The following TTLL5 variants were observed in gnomAD, a reference collection of about 807,000 sequenced individuals.
TTLL5 encodes tubulin tyrosine ligase like 5.
Under a neutral mutation model 168.4 loss-of-function variants are expected in TTLL5, and 132 were observed. The ratio of observed to expected loss-of-function variants is 0.78; its 90% CI spans 0.68 to 0.91. The LOEUF (loss-of-function observed/expected upper bound fraction) is 0.91. Among genes scored for constraint, TTLL5 ranks in the 40% least tolerant of loss-of-function variants. TTLL5 has a pLI of 0.00. For synonymous variants in TTLL5, 546 were observed against 558.6 expected (o/e 0.98, Z 0.32); for missense variants, 1,545 against 1,581.5 (o/e 0.98, Z 0.39).
At chr14:75,835,088 CA>C (rs1176689332) in intron 28 of TTLL5, among the ~76,000 whole-genome samples, 1 of 152,086 alleles carries the variant, frequency 6.6e-6, no homozygotes, top group Non-Finnish European at 1.5e-5. Context: ...AACAAACAAA[CA>C]AACAAAACAA....
intron 31 of TTLL5, among the ~76,000 whole-genome samples, chr14:75,933,018 C>T (rs2034324348): frequency 6.6e-6 from 1 of 152,182 alleles, no homozygotes; most frequent in Non-Finnish European, 1.5e-5. Context: ...ACTTTAGCCC[C>T]AATTCAGAGA....
At chr14:75,683,523 C>A in intron 4 of TTLL5, 27 bp from the exon 5 acceptor site, 1 of 1,562,156 alleles carries the variant, frequency 6.4e-7, no homozygotes, top group Non-Finnish European at 8.8e-7. Flanking sequence ...TGTTTTTTTG[C>A]CTTCTTGTCT....
At chr14:75,711,597 G>C (rs556744291) in intron 9 of TTLL5, 2 of 152,280 alleles carry the variant, frequency 1.3e-5, no homozygotes, top group East Asian at 3.9e-4. Context: ...CTAGCAACTT[G>C]GGGGGCATGC....
intron 31 of TTLL5, among the ~76,000 whole-genome samples, chr14:75,949,893 C>T (rs897633498): frequency 6.6e-6 from 1 of 151,630 alleles, no homozygotes; most frequent in African/African-American, 2.4e-5. Context: ...TGTAAAGATA[C>T]CAGTTCTCCC....
chr14:75,887,399 A>G, intron 30 of TTLL5: 1 of 864,188 alleles, frequency 1.2e-6, no homozygotes, highest in Non-Finnish European at 1.4e-6. Context: ...TGAGGTGAGC[A>G]TAGAAGATAC....
intron 31 of TTLL5, 119 bp from the exon 32 acceptor site, chr14:75,954,305 T>A (rs992345442): frequency 4.7e-6 from 5 of 1,055,168 alleles, no homozygotes; most frequent in Non-Finnish European, 7.1e-6. Flanking sequence ...GAACTTCATT[T>A]ATTTGGGCCA....
At chr14:75,812,035 A>G (rs1262537248) in intron 27 of TTLL5, among the ~76,000 whole-genome samples, 1 of 152,130 alleles carries the variant, frequency 6.6e-6, no homozygotes, top group African/African-American at 2.4e-5. Flanking sequence ...TATGCATGCA[A>G]TGTGTCCCTA....
At chr14:75,705,078 G>A (rs1886557412) in intron 7 of TTLL5, among the ~76,000 whole-genome samples, 1 of 152,226 alleles carries the variant, frequency 6.6e-6, no homozygotes, top group South Asian at 2.1e-4. Context: ...GCTGTATAGT[G>A]ATTGCATCAA....
At chr14:75,768,681 A>T (rs1392652022) in intron 20 of TTLL5, among the ~76,000 whole-genome samples, 1 of 152,160 alleles carries the variant, frequency 6.6e-6, no homozygotes, top group Non-Finnish European at 1.5e-5. Flanking sequence ...TATGGGATGA[A>T]TGAAGTTGAC....
intron 29 of TTLL5, among the ~76,000 whole-genome samples, chr14:75,880,054 C>G (rs2031717731): frequency 1.3e-5 from 2 of 152,126 alleles, no homozygotes; most frequent in African/African-American, 2.4e-5. Flanking sequence ...TCCCTCCTGC[C>G]TTGACCCCTA....
chr14:75,839,442 A>T (rs1039747194), intron 28 of TTLL5, among the ~76,000 whole-genome samples: 4 of 152,182 alleles, frequency 2.6e-5, no homozygotes, highest in Non-Finnish European at 4.4e-5. Context: ...GAAGTACCCG[A>T]GACTGGGTGA....
chr14:75,667,751 GTTTTTT>G (rs67181555), intron 2 of TTLL5, among the ~76,000 whole-genome samples: 1 of 89,084 alleles, frequency 1.1e-5, no homozygotes, highest in Non-Finnish European at 2.0e-5. Flanking sequence ...ATCTTTTTAT[GTTTTTT>G]TTTTTTTTTT....
At chr14:75,710,933 T>G (rs1249830231) in intron 9 of TTLL5, 4 of 152,238 alleles carry the variant, frequency 2.6e-5, no homozygotes, top group Non-Finnish European at 5.9e-5. Flanking sequence ...TTCATTTCCT[T>G]CTTTAGAAAT....
intron 26 of TTLL5, among the ~76,000 whole-genome samples, 174 bp from the exon 27 acceptor site, chr14:75,792,742 G>A (rs963570583): frequency 2.6e-5 from 4 of 152,108 alleles, no homozygotes. Flanking sequence ...GAGTTTCTAG[G>A]TTATGGTAAC....
At position 75,922,751 on chromosome 14, in the gene TTLL5, G is replaced by C. The variant is rs1010060017; in HGVS notation, c.3823+20527G>C. Among the ~76,000 whole-genome samples, 5 of 152,334 alleles carry C rather than the reference G, an allele frequency of 3.3e-5. No homozygotes were observed. In the South Asian group the frequency reaches 1.0e-3, roughly 32 times the overall value. On this transcript the variant is annotated intron_variant, in intron 31 of 31. Coordinates refer to ENST00000298832, the MANE Select transcript of TTLL5 (RefSeq NM_015072.5). Reference sequence around the variant, plus strand: ...GGATGATGCTGGCGTCATAAAATGAGTTAGGGAGGTTTCCCTGTTTTTCTA... The same window carrying C: ...GGATGATGCTGGCGTCATAAAATGACTTAGGGAGGTTTCCCTGTTTTTCTA...
At chr14:75,778,722 A>G (rs1205106479) in intron 23 of TTLL5, among the ~76,000 whole-genome samples, 1 of 152,240 alleles carries the variant, frequency 6.6e-6, no homozygotes, top group African/African-American at 2.4e-5. Flanking sequence ...GAAAAAGGCC[A>G]TTGAGAAGCT....
chr14:75,783,397 A>G lies in TTLL5; in HGVS notation c.2853A>G (p.Ala951=). ...ASASPCLHPG[A]QNIPSPTGLP... ...CTTCTCCCTGCCTACATCCCGGGGC[A>G]CAGAACATCCCAAGCCCTACTGGCC... The change falls in exon 26 of 32, where the codon GCA becomes GCG. Residue 951 remains alanine, a synonymous_variant. Transcript: ENST00000298832. The G allele has an allele frequency of 1.2e-6, 2 of 1,614,188 alleles. No individual in the cohort carries two copies. The highest frequency in any genetic ancestry group is 1.7e-6 in the Non-Finnish European group (2 of 1,180,032).
At chr14:75,929,447 C>T (rs1345519502) in intron 31 of TTLL5, among the ~76,000 whole-genome samples, 3 of 120,868 alleles carry the variant, frequency 2.5e-5, no homozygotes, top group Non-Finnish European at 3.3e-5. Context: ...ATAAAGATAC[C>T]TTTTTTTTTT....
intron 15 of TTLL5, among the ~76,000 whole-genome samples, chr14:75,738,422 A>G (rs1367808139): frequency 2.0e-5 from 3 of 152,184 alleles, no homozygotes; most frequent in African/African-American, 7.2e-5. Flanking sequence ...AATGCTTGAC[A>G]TGTAACTTTT....
Sources: allele counts gnomAD v4.1 joint callset (sites outside exome capture counted in the v4.1 genomes callset), GRCh38; gene constraint gnomAD v4.1.1; transcripts MANE v1.5; gene names NCBI Gene and HGNC (gene_info 2026-07-23, HGNC 2026-07-21).